The following AP2A1 variants were observed in gnomAD, a reference collection of about 807,000 sequenced individuals.
AP2A1 encodes AP-2 complex subunit alpha-1.
A neutral mutation model predicts 107.3 loss-of-function variants in AP2A1; 21 were observed. The observed-to-expected ratio is 0.20, with a 90% CI of 0.14 to 0.28. The LOEUF (loss-of-function observed/expected upper bound fraction) is 0.28, where lower values mean the gene tolerates loss of function less well. Among genes scored for constraint, AP2A1 ranks in the 10% least tolerant of loss-of-function variants. AP2A1 has a pLI of 1.00. For synonymous variants in AP2A1, 602 were observed against 564.8 expected, an observed-to-expected ratio of 1.07 and a Z score of -0.93; for missense variants, 873 against 1,307.7, an observed-to-expected ratio of 0.67 and a Z score of 5.13.
At chr19:49,802,490 C>G (rs1157694496) in intron 15 of AP2A1, 10 of 1,592,458 alleles carry the variant, frequency 6.3e-6, no homozygotes, top group African/African-American at 1.3e-5. Context: ...TGGCTGCCTG[C>G]CACGCCTGTC....
At chr19:49,802,290 C>T in intron 15 of AP2A1, 149 bp downstream of exon 15, 1 of 842,392 alleles carries the variant, frequency 1.2e-6, no homozygotes, top group African/African-American at 1.7e-5. Context: ...TGGCTGCTGC[C>T]TCCCCTGCCC....
Position 49,799,986 on chromosome 19 carries a change from C to G in AP2A1, c.1291C>G (p.Leu431Val), listed in dbSNP as rs2073258112. Residue 431 changes from leucine to valine, a missense_variant, in exon 11 of 23, where the codon CTG (leucine) becomes GTG (valine). By Grantham distance (32) the Leu-to-Val change is conservative (BLOSUM62 1). Around this residue, in one of 4 missense-constraint regions of AP2A1, gnomAD observed 213 missense variants for 443.5 expected, o/e 0.48. Transcript: ENST00000354293. ...GCGGCAGGTCCTGAAGGTGGCCATC[C>G]TGGCCGAGAAGTACGCCGTGGACTA... ...REEIVLKVAI[L>V]AEKYAVDYSW... 6.2e-7 allele frequency: 1 copy of G among 1,613,804 alleles called. No homozygotes were observed.
chr19:49,773,444 T>C (rs2084585773), intron 1 of AP2A1, among the ~76,000 whole-genome samples: 1 of 152,186 alleles, frequency 6.6e-6, no homozygotes, highest in South Asian at 2.1e-4. Context: ...TCCAGCTTTG[T>C]CCTCTGTAGG....
At chr19:49,782,403 AG>A in intron 3 of AP2A1, 127 bp from the exon 4 acceptor site, 1 of 982,458 alleles carries the variant, frequency 1.0e-6, no homozygotes. Flanking sequence ...CTGAGGGAGG[AG>A]GGGCCTGGGG....
intron 1 of AP2A1, among the ~76,000 whole-genome samples, chr19:49,773,810 T>C (rs1221360499): frequency 2.6e-5 from 4 of 152,092 alleles, no homozygotes; most frequent in African/African-American, 7.2e-5. Context: ...GAATGGTGCA[T>C]GCATGACTCT....
rs761852656 is a variant in AP2A1, at chr19:49,787,999, T to C, written c.474-3936T>C. 3.3e-5 allele frequency among the ~76,000 whole-genome samples: 5 copies of C among 152,288 alleles called. No individual in the cohort carries two copies. In the East Asian group the frequency reaches 9.7e-4, roughly 29 times the overall value. ...TCTCACTCTGCTGCCCAGGCTGGAG[T>C]GCAGTGGCATGATCATAGCTAACTG... is the stretch of plus-strand genomic sequence containing the variant. On this transcript the variant is annotated intron_variant, in intron 4 of 22. Coordinates refer to ENST00000354293, the MANE Select transcript of AP2A1 (RefSeq NM_130787.3).
chr19:49,776,120 T>G (rs370097487), intron 1 of AP2A1, among the ~76,000 whole-genome samples: 39 of 151,860 alleles, frequency 2.6e-4, no homozygotes, highest in African/African-American at 8.7e-4. Context: ...GCCCCTCCCA[T>G]GGCCCCCCCC....
intron 1 of AP2A1, among the ~76,000 whole-genome samples, chr19:49,773,657 C>T (rs1464118322): frequency 2.6e-5 from 4 of 151,982 alleles, no homozygotes; most frequent in Admixed American, 2.0e-4. Flanking sequence ...TTTTGGGGGC[C>T]GGACAGGTGG....
intron 6 of AP2A1, among the ~76,000 whole-genome samples, chr19:49,793,378 C>T (rs1193564761): frequency 2.0e-5 from 3 of 152,158 alleles, no homozygotes; most frequent in Non-Finnish European, 4.4e-5. Flanking sequence ...CAGGGCCTCG[C>T]GGGCCGAGCA....
At chr19:49,778,710 A>G (rs1410794205) in intron 1 of AP2A1, among the ~76,000 whole-genome samples, 1 of 152,178 alleles carries the variant, frequency 6.6e-6, no homozygotes, top group Admixed American at 6.6e-5. Context: ...GTATGGAACC[A>G]CTGCAGTGTG....
Position 49,801,909 on chromosome 19 carries a change from C to A in AP2A1, c.1953+20C>A. ...ACTGTGGTGAGTCCCCTGGGGTGGG[C>A]CCTGCCAGGGTGCCTGGGGCTGGGT... On this transcript the variant is annotated intron_variant, in intron 14 of 22. Coordinates refer to ENST00000354293, the MANE Select transcript of AP2A1 (RefSeq NM_130787.3). 1 of 1,464,012 alleles carries A rather than the reference C, an allele frequency of 6.8e-7. No individual in the cohort carries two copies. Among genetic ancestry groups the A allele is most frequent in the African/African-American group, 1.4e-5 (1 of 70,424 alleles). The allele number at this position is 1,464,012 out of a possible 1,614,324, so 90.7% of individuals were successfully genotyped here. A position where few individuals can be genotyped will look rare whatever the true frequency, so the allele number is the denominator to read the frequency against.
chr19:49,780,421 G>A (rs1380019791), intron 1 of AP2A1, among the ~76,000 whole-genome samples: 2 of 152,210 alleles, frequency 1.3e-5, no homozygotes, highest in Non-Finnish European at 2.9e-5. Context: ...CTTGTGTGAA[G>A]GCCCTTGAGG....
In AP2A1 at chr19:49,806,707, C is replaced by T. The variant is rs751108202; in HGVS notation, c.2817C>T (p.Ser939=). ...AQMYRLTLRT[S]KEPVSRHLCE... is the part of the protein sequence containing the mutation. ...TGTACCGGCTGACCCTGCGCACCAG[C>T]AAGGAGCCCGTCTCCCGTCACCTGT... The change falls in exon 23 of 23, where the codon AGC becomes AGT. Residue 939 remains serine, a synonymous_variant. Transcript: ENST00000354293. The T allele has an allele frequency of 6.2e-7, 1 of 1,613,416 alleles. No homozygotes were observed. The highest frequency in any genetic ancestry group is 8.5e-7 in the Non-Finnish European group (1 of 1,179,846).
intron 13 of AP2A1, 46 bp from the exon 14 acceptor site, chr19:49,801,676 C>G (rs1197223581): frequency 6.5e-7 from 1 of 1,530,626 alleles, no homozygotes; most frequent in Admixed American, 2.0e-5. Context: ...TCCCGCCCTC[C>G]CCTCCTCCTG....
intron 13 of AP2A1, 39 bp downstream of exon 13, chr19:49,801,660 C>G: frequency 6.9e-7 from 1 of 1,449,104 alleles, no homozygotes; most frequent in East Asian, 2.5e-5. Flanking sequence ...CTCTTGCACA[C>G]CCCCTTCCCG....
chr19:49,806,200 A>G lies in AP2A1; in HGVS notation c.2737A>G (p.Lys913Glu), dbSNP rs773757799. 13 of 1,602,662 alleles carry G rather than the reference A, an allele frequency of 8.1e-6. No individual in the cohort carries two copies. The highest frequency in any genetic ancestry group is 5.4e-5 in the African/African-American group (4 of 74,736). ...CGTGGGGGCGGGGATCATCCAGACTAAAGCCCTGCAGGTGGGCTGTCTGCT... is the reference window on the plus strand; with the variant it reads ...CGTGGGGGCGGGGATCATCCAGACTGAAGCCCTGCAGGTGGGCTGTCTGCT... ...NFVGAGIIQT[K>E]ALQVGCLLRL... The change falls in exon 22 of 23, where the codon AAA (lysine) becomes GAA (glutamate). Residue 913 changes from lysine (K) to glutamate (E), a missense_variant. Physicochemically the swap from Lys to Glu is moderately conservative, Grantham distance 56. This residue lies in a region of AP2A1 where 416 missense variants were observed against 473.4 expected (regional missense o/e 0.88). Transcript: ENST00000354293.
rs1428586269 is a variant in AP2A1, at chr19:49,801,508, A to G, written c.1672A>G (p.Thr558Ala). 6.2e-7 allele frequency: 1 copy of G among 1,613,266 alleles called. No individual in the cohort carries two copies. Among genetic ancestry groups the G allele is most frequent in the East Asian group, 2.2e-5 (1 of 44,854 alleles). Reference sequence around the variant, plus strand: ...CAACCTCTTCCCCGAGACCAAGGCCACCATCCAGGGCGTCCTGCGGGCCGG... The same window carrying G: ...CAACCTCTTCCCCGAGACCAAGGCCGCCATCCAGGGCGTCCTGCGGGCCGG... ...FINLFPETKA[T>A]IQGVLRAGSQ... The change falls in exon 13 of 23, where the codon ACC becomes GCC. Residue 558 changes from threonine to alanine, a missense_variant. Coordinates refer to ENST00000354293, the MANE Select transcript of AP2A1 (RefSeq NM_130787.3).
chr19:49,767,026 C>T lies in AP2A1; in HGVS notation c.-108C>T. The T allele has an allele frequency of 8.3e-7, 1 of 1,209,228 alleles. No homozygotes were observed. The highest frequency in any genetic ancestry group is 1.6e-5 in the African/African-American group (1 of 62,618). 74.9% of individuals were successfully genotyped at this position (1,209,228 alleles called of 1,614,324 possible). Reference sequence around the variant, plus strand: ...GCCAGCCAGCCCTCCCCGCGGCCGGCTCGGCTCCTTGGCGCTGCCTGGGGT... The same window carrying T: ...GCCAGCCAGCCCTCCCCGCGGCCGGTTCGGCTCCTTGGCGCTGCCTGGGGT... On this transcript the variant is annotated 5_prime_UTR_variant, in exon 1 of 23. Coordinates refer to ENST00000354293, the MANE Select transcript of AP2A1 (RefSeq NM_130787.3).
At chr19:49,787,347 GTTTTTTGTTTT>G (rs2084752672) in intron 4 of AP2A1, among the ~76,000 whole-genome samples, 1 of 96,182 alleles carries the variant, frequency 1.0e-5, no homozygotes, top group Non-Finnish European at 2.0e-5. Flanking sequence ...TGTTTTTTTT[GTTTTTTGTTTT>G]TTTTTTTTTG....
Sources: gnomAD v4.1 joint callset for allele counts (sites outside exome capture counted in the v4.1 genomes callset) on GRCh38, gnomAD v4.1.1 for gene constraint, gnomAD v4.1.1 regional missense constraint, MANE v1.5 for transcripts, NCBI Gene and HGNC (gene_info 2026-07-23, HGNC 2026-07-21) for gene names.